The following CSMD2 variants were observed in gnomAD, a reference collection of about 807,000 sequenced individuals.
CSMD2 encodes CUB and sushi domain-containing protein 2.
Under a neutral mutation model 398.5 loss-of-function variants are expected in CSMD2, and 130 were observed. The observed-to-expected ratio is 0.33, with a 90% confidence interval of 0.28 to 0.38. The LOEUF is 0.38. Ranked by LOEUF, CSMD2 falls within the 10% of genes least tolerant of loss-of-function variation. The pLI is 1.00. For synonymous variants in CSMD2, 1,828 were observed against 1,908.5 expected (o/e 0.96, Z 1.10); for missense variants, 3,829 against 4,764.9 (o/e 0.80, Z 5.78).
intron 29 of CSMD2, among the ~76,000 whole-genome samples, chr1:33,643,829 A>G (rs1248024920): frequency 3.3e-5 from 5 of 151,894 alleles, no homozygotes; most frequent in South Asian, 2.1e-4. Flanking sequence ...GGGCTACTAG[A>G]CCAGAGGCCC....
rs749995855 is a variant in CSMD2 at position 33,778,367 on chromosome 1, T to G, written c.1664-5616A>C. Among the ~76,000 whole-genome samples, 36 of 152,204 alleles carry G rather than the reference T, an allele frequency of 2.4e-4. 1 individual carries two copies. Among genetic ancestry groups the G allele is most frequent in the South Asian group, 4.2e-4 (2 of 4,808 alleles). ...GATGCCCCTTGTAACTACCCATCTG[T>G]TCATTCAACAAGTATTTTACTGGTT... On this transcript the variant is annotated intron_variant, in intron 12 of 70. Coordinates refer to ENST00000373381, the MANE Select transcript of CSMD2 (RefSeq NM_001281956.2).
intron 44 of CSMD2, among the ~76,000 whole-genome samples, chr1:33,593,524 C>T (rs1170118528): frequency 2.6e-5 from 4 of 152,140 alleles, no homozygotes; most frequent in Non-Finnish European, 5.9e-5. Context: ...CAGGGAAACT[C>T]CCATTTTTTA....
chr1:34,001,464 T>C (rs1646899389), intron 3 of CSMD2, among the ~76,000 whole-genome samples: 1 of 152,194 alleles, frequency 6.6e-6, no homozygotes, highest in Non-Finnish European at 1.5e-5. Flanking sequence ...ATAAGTCTGG[T>C]TGGCCTCCAA....
At chr1:33,757,652 G>T (rs1409120954) in intron 13 of CSMD2, among the ~76,000 whole-genome samples, 1 of 152,062 alleles carries the variant, frequency 6.6e-6, no homozygotes, top group Non-Finnish European at 1.5e-5. Flanking sequence ...CATCCCTCCT[G>T]GAGATCCCAC....
At chr1:34,090,813 T>C (rs1028982653) in intron 1 of CSMD2, among the ~76,000 whole-genome samples, 4 of 152,154 alleles carry the variant, frequency 2.6e-5, no homozygotes, top group African/African-American at 9.7e-5. Flanking sequence ...GCCCCAAACA[T>C]TCAATGGCTC....
intron 29 of CSMD2, among the ~76,000 whole-genome samples, chr1:33,644,389 C>G (rs1395143740): frequency 6.6e-6 from 1 of 152,134 alleles, no homozygotes; most frequent in Non-Finnish European, 1.5e-5. Flanking sequence ...ATGAAATCAT[C>G]TTATAAAAAA....
intron 37 of CSMD2, among the ~76,000 whole-genome samples, chr1:33,620,709 A>T (rs771015127): frequency 6.6e-6 from 1 of 151,660 alleles, no homozygotes; most frequent in African/African-American, 2.4e-5. Flanking sequence ...ATTTCACTCC[A>T]CCAGGGGAGT....
At chr1:33,702,906 A>G (rs1645656629) in intron 22 of CSMD2, among the ~76,000 whole-genome samples, 1 of 152,164 alleles carries the variant, frequency 6.6e-6, no homozygotes, top group African/African-American at 2.4e-5. Context: ...ACTCCCTGAT[A>G]GATTAGTCAT....
At chr1:34,038,374 T>G (rs543261483) in intron 2 of CSMD2, among the ~76,000 whole-genome samples, 135 of 152,326 alleles carry the variant, frequency 8.9e-4, no homozygotes, top group African/African-American at 3.2e-3. Flanking sequence ...GACTCTAAAA[T>G]GCACAGAGAA....
chr1:33,557,484 A>G (rs1450630287), intron 55 of CSMD2, among the ~76,000 whole-genome samples: 1 of 152,180 alleles, frequency 6.6e-6, no homozygotes, highest in Non-Finnish European at 1.5e-5. Flanking sequence ...GAGGAAAGGG[A>G]CCAGGCCTCT....
At chr1:33,723,391 ACT>A (rs1380140383) in intron 19 of CSMD2, among the ~76,000 whole-genome samples, 1 of 152,182 alleles carries the variant, frequency 6.6e-6, no homozygotes, top group Admixed American at 6.5e-5. Flanking sequence ...AAGAACCATG[ACT>A]CTGGATGAAC....
At chr1:33,612,403 T>C (rs1641067367) in intron 40 of CSMD2, among the ~76,000 whole-genome samples, 1 of 152,226 alleles carries the variant, frequency 6.6e-6, no homozygotes, top group African/African-American at 2.4e-5. Context: ...AGCAATCACA[T>C]GAATTTGGAA....
chr1:33,723,628 T>A (rs1016208433), intron 19 of CSMD2, among the ~76,000 whole-genome samples: 1 of 152,140 alleles, frequency 6.6e-6, no homozygotes, highest in African/African-American at 2.4e-5. Context: ...TGGTGACCCA[T>A]ATGAAAGATG....
chr1:33,646,818 C>G lies in CSMD2; in HGVS notation c.4604G>C (p.Gly1535Ala), dbSNP rs182819793. The change falls in exon 29 of 71, where the codon GGC becomes GCC. Residue 1535 changes from glycine to alanine, a missense_variant. Physicochemically the swap from Gly to Ala is moderately conservative, Grantham distance 60. This residue lies in a region of CSMD2 where 2,001 missense variants were observed against 2,567.1 expected (regional missense o/e 0.78). Transcript: ENST00000373381. ...GTCGTAGATATGGAGGAAGTCATAG[C>G]CAGGCTCCAGGTTAAAGCTGGGGAA... is the stretch of plus-strand genomic sequence containing the variant. ...LVFNIFNLEP[G>A]YDFLHIYDGR... is the part of the protein sequence containing the mutation. 6.2e-7 allele frequency: 1 copy of G among 1,612,084 alleles called. No individual in the cohort carries two copies. Among genetic ancestry groups the G allele is most frequent in the Admixed American group, 1.7e-5 (1 of 59,736 alleles).
At chr1:33,542,093 C>G (rs1656399722) in intron 58 of CSMD2, among the ~76,000 whole-genome samples, 1 of 152,186 alleles carries the variant, frequency 6.6e-6, no homozygotes, top group Non-Finnish European at 1.5e-5. Context: ...GTCGAAATCA[C>G]AGACTAGGAC....
chr1:33,775,621 T>C (rs1472964093), intron 12 of CSMD2, among the ~76,000 whole-genome samples: 1 of 151,952 alleles, frequency 6.6e-6, no homozygotes, highest in Non-Finnish European at 1.5e-5. Flanking sequence ...CAGAAAGAGG[T>C]ATAGGTCTGA....
intron 41 of CSMD2, among the ~76,000 whole-genome samples, chr1:33,606,508 T>A (rs1271859342): frequency 2.0e-5 from 3 of 152,150 alleles, no homozygotes; most frequent in Non-Finnish European, 2.9e-5. Context: ...GGTAATTGGG[T>A]GTGCCAAAAA....
At chr1:34,148,326 A>G (rs1639972077) in intron 1 of CSMD2, among the ~76,000 whole-genome samples, 1 of 152,194 alleles carries the variant, frequency 6.6e-6, no homozygotes, top group Admixed American at 6.5e-5. Flanking sequence ...CTCCGCATCA[A>G]AAACCTCCAC....
intron 41 of CSMD2, among the ~76,000 whole-genome samples, chr1:33,608,592 G>A (rs12042324): frequency 0.18 from 26,868 of 152,080 alleles, 2,498 homozygotes; most frequent in East Asian, 0.32. Context: ...CACTAGGGTG[G>A]GCTCTGATCC....
Sources: allele counts gnomAD v4.1 joint callset (sites outside exome capture counted in the v4.1 genomes callset), GRCh38; gene constraint gnomAD v4.1.1; regional missense constraint gnomAD v4.1.1; transcripts MANE v1.5; gene names NCBI Gene and HGNC (gene_info 2026-07-23, HGNC 2026-07-21).